The following ADAMTS9 variants were observed in gnomAD, a reference collection of about 807,000 sequenced individuals.
ADAMTS9 encodes ADAM metallopeptidase with thrombospondin type 1 motif 9, also known as A disintegrin and metalloproteinase with thrombospondin motifs 9.
Under a neutral mutation model 257.1 loss-of-function variants are expected in ADAMTS9, and 107 were observed. The ratio of observed to expected loss-of-function variants is 0.42; its 90% CI spans 0.36 to 0.49. ADAMTS9 has a LOEUF of 0.49. ADAMTS9 is among the 20% of genes least tolerant of loss of function. ADAMTS9 has a pLI of 0.03. For missense variants in ADAMTS9, 2,353 were observed against 2,469.1 expected (o/e 0.95, Z 1.00); for synonymous variants, 982 against 880.9 (o/e 1.11, Z -2.03).
intron 28 of ADAMTS9, chr3:64,582,395 C>T (rs2084028248): frequency 6.6e-6 from 1 of 152,160 alleles, no homozygotes; most frequent in African/African-American, 2.4e-5. Context: ...ATAAGGATTT[C>T]ACTTCCCTTT....
At chr3:64,608,917 T>C (rs2084614972) in intron 22 of ADAMTS9, among the ~76,000 whole-genome samples, 1 of 151,838 alleles carries the variant, frequency 6.6e-6, no homozygotes, top group African/African-American at 2.4e-5. Context: ...ACTAAAAGGA[T>C]AGTACATCAT....
intron 28 of ADAMTS9, among the ~76,000 whole-genome samples, chr3:64,576,118 G>C (rs2083839383): frequency 6.6e-6 from 1 of 152,130 alleles, no homozygotes; most frequent in Admixed American, 6.5e-5. Context: ...TTCTCTCTTA[G>C]AGACTATTAC....
chr3:64,670,462 T>C (rs1013949369), intron 3 of ADAMTS9, among the ~76,000 whole-genome samples: 1 of 152,246 alleles, frequency 6.6e-6, no homozygotes, highest in Non-Finnish European at 1.5e-5. Flanking sequence ...TGCTCCACTA[T>C]ACTTTCTTGC....
chr3:64,594,491 T>TAA (rs1362559068), intron 27 of ADAMTS9, 57 bp from the exon 28 acceptor site: 35 of 1,582,836 alleles, frequency 2.2e-5, no homozygotes, highest in Non-Finnish European at 3.0e-5. Context: ...AATGACAAAT[T>TAA]TCCTTTCTCC....
chr3:64,650,070 C>T, intron 9 of ADAMTS9: 1 of 287,212 alleles, frequency 3.5e-6, no homozygotes, highest in Non-Finnish European at 6.5e-6. Flanking sequence ...ACTATCTTTC[C>T]CAATAGACTG....
At chr3:64,631,719 A>C (rs971828782) in intron 15 of ADAMTS9, 89 bp downstream of exon 15, 1 of 1,292,940 alleles carries the variant, frequency 7.7e-7, no homozygotes, top group African/African-American at 1.5e-5. Context: ...TTTATGCTCG[A>C]CATTAATATT....
chr3:64,663,428 CTTTTT>C (rs10712747), intron 3 of ADAMTS9, among the ~76,000 whole-genome samples: 3 of 127,548 alleles, frequency 2.4e-5, no homozygotes, highest in Non-Finnish European at 1.7e-5. Context: ...GTATGGAATT[CTTTTT>C]TTTTTTTTTT....
intron 2 of ADAMTS9, among the ~76,000 whole-genome samples, chr3:64,682,261 A>T (rs1701777019): frequency 6.6e-6 from 1 of 152,228 alleles, no homozygotes; most frequent in African/African-American, 2.4e-5. Context: ...GTTACTGTGC[A>T]GATTAAATAA....
chr3:64,649,741 A>C lies in ADAMTS9; in HGVS notation c.1501T>G (p.Ser501Ala). The part of the protein sequence containing the change: ...YGECLLNEPE[S>A]RPYPLPVQLP... The stretch of plus-strand genomic sequence containing the variant: ...TGGACAGGCAAAGGGTAGGGTCTGG[A>C]TTCAGGTTCGTTAAGCAAACACTCG... The change falls in exon 10 of 40, where the codon TCC becomes GCC. Residue 501 changes from serine (S) to alanine (A), a missense_variant. Physicochemically the swap from Ser to Ala is moderately conservative, Grantham distance 99. Coordinates refer to ENST00000498707, the MANE Select transcript of ADAMTS9 (RefSeq NM_182920.2). 5 of 1,614,000 alleles carry C rather than the reference A, an allele frequency of 3.1e-6. No homozygotes were observed. The South Asian group carries it at 5.5e-5, about 18-fold the overall frequency.
chr3:64,601,624 T>C (rs991060777), intron 26 of ADAMTS9, among the ~76,000 whole-genome samples: 1 of 152,144 alleles, frequency 6.6e-6, no homozygotes, highest in Non-Finnish European at 1.5e-5. Context: ...TTAATTCCCC[T>C]ACAGGTATGA....
intron 21 of ADAMTS9, among the ~76,000 whole-genome samples, chr3:64,614,635 A>C (rs1255791479): frequency 6.6e-6 from 1 of 152,054 alleles, no homozygotes; most frequent in African/African-American, 2.4e-5. Context: ...CTTGGTAAGA[A>C]TCTCCTTGGG....
At chr3:64,520,252 T>C (rs980044359) in intron 39 of ADAMTS9, among the ~76,000 whole-genome samples, 4 of 152,104 alleles carry the variant, frequency 2.6e-5, no homozygotes, top group African/African-American at 7.2e-5. Context: ...GTAAAAGAGC[T>C]CTACAAGGAG....
chr3:64,641,442 G>A (rs909020210), intron 12 of ADAMTS9, among the ~76,000 whole-genome samples: 59 of 149,610 alleles, frequency 3.9e-4, no homozygotes, highest in Middle Eastern at 3.4e-3. Context: ...TTAGCATTAG[G>A]TATATCTCCT....
chr3:64,639,190 G>C (rs769011178), intron 12 of ADAMTS9, among the ~76,000 whole-genome samples: 3 of 151,272 alleles, frequency 2.0e-5, no homozygotes, highest in Non-Finnish European at 2.9e-5. Context: ...TCCGTATTCA[G>C]AGGCAGTCTC....
intron 30 of ADAMTS9, among the ~76,000 whole-genome samples, chr3:64,557,926 C>G (rs2083362062): frequency 6.6e-6 from 1 of 152,158 alleles, no homozygotes. Flanking sequence ...CTCATGGTAT[C>G]AAGAAGGCCC....
In ADAMTS9 at chr3:64,687,886, C is replaced by T. The variant is rs1251380034; in HGVS notation, c.-229G>A. On this transcript the variant is annotated 5_prime_UTR_variant, in exon 1 of 40. Transcript: ENST00000498707. This position sits in a 1 kb window ranked among gnomAD's most constrained non-coding sequence, Gnocchi z 4.4. ...GAGCCGCTCGGGCCGCAGGAGGAGC[C>T]GGAGGAGCAGGAGGAGGAGGAGGAC... 1.2e-5 allele frequency: 5 copies of T among 406,708 alleles called. No individual in the cohort carries two copies. Among genetic ancestry groups the T allele is most frequent in the East Asian group, 4.1e-5 (1 of 24,396 alleles). 25.2% of individuals were successfully genotyped at this position (406,708 alleles called of 1,614,324 possible). A position where few individuals can be genotyped will look rare whatever the true frequency, so the allele number is the denominator to read the frequency against.
chr3:64,549,758 T>A (rs1449614160), intron 31 of ADAMTS9, among the ~76,000 whole-genome samples: 1 of 152,116 alleles, frequency 6.6e-6, no homozygotes, highest in Non-Finnish European at 1.5e-5. Context: ...GGGTCCCCTT[T>A]CCCCAGCTGT....
rs1700839863 is a variant in ADAMTS9, at chr3:64,648,031, C to T, written c.1619G>A (p.Arg540Gln). The change falls in exon 11 of 40, where the codon CGG becomes CAG. Residue 540 changes from arginine to glutamine, a missense_variant. By Grantham distance (43) the Arg-to-Gln change is conservative. Transcript: ENST00000498707. ...QVCPYMMQCR[R>Q]LWCNNVNGVH... ...TCCATTGACGTTATTGCACCAGAGC[C>T]GTCTGCACTGCATCTGCTCAATTCA... The T allele has an allele frequency of 1.9e-6, 3 of 1,612,136 alleles. No individual in the cohort carries two copies. Among genetic ancestry groups the T allele is most frequent in the Admixed American group, 1.7e-5 (1 of 59,930 alleles).
intron 3 of ADAMTS9, among the ~76,000 whole-genome samples, chr3:64,677,735 A>C (rs1336680679): frequency 2.6e-5 from 4 of 152,208 alleles, no homozygotes; most frequent in African/African-American, 9.6e-5. Flanking sequence ...TGAAAGGTAC[A>C]TGTTATCCTC....
Sources: gnomAD v4.1 joint callset for allele counts (sites outside exome capture counted in the v4.1 genomes callset) on GRCh38, gnomAD v4.1.1 for gene constraint, Gnocchi (gnomAD v3.1) non-coding constraint, MANE v1.5 for transcripts, NCBI Gene and HGNC (gene_info 2026-07-23, HGNC 2026-07-21) for gene names.